Variants in NGLY1 observed in about 807,000 individuals in gnomAD.
NGLY1 encodes N-glycanase 1, also known as peptide-N(4)-(N-acetyl-beta-glucosaminyl)asparagine amidase.
In NGLY1, 68 loss-of-function variants were observed where a neutral mutation model predicts 84.6. The ratio of observed to expected loss-of-function variants is 0.80; its 90% CI spans 0.66 to 0.98. NGLY1 has a LOEUF of 0.98. Among genes scored for constraint, NGLY1 ranks in the 50% least tolerant of loss-of-function variants. The probability of loss-of-function intolerance (pLI) is 0.00; values close to 1 mark genes in which losing one functional copy is unlikely to be tolerated. For synonymous variants in NGLY1, 280 were observed against 275.2 expected, an observed-to-expected ratio of 1.02 and a Z score of -0.17; for missense variants, 779 against 770.2, an observed-to-expected ratio of 1.01 and a Z score of -0.14.
chr3:25,738,953 T>A (rs1705984020), intron 5 of NGLY1, among the ~76,000 whole-genome samples: 1 of 152,172 alleles, frequency 6.6e-6, no homozygotes, highest in Non-Finnish European at 1.5e-5. Context: ...ATTTAAAATG[T>A]CCTTAGTTTA....
At chr3:25,762,397 G>A (rs143097787) in intron 3 of NGLY1, among the ~76,000 whole-genome samples, 52 of 152,210 alleles carry the variant, frequency 3.4e-4, no homozygotes, top group African/African-American at 1.2e-3. Flanking sequence ...ATAACCAAGA[G>A]TTGTCTATGA....
Position 25,719,459 on chromosome 3 carries a change from C to T in NGLY1, c.*1G>A, listed in dbSNP as rs771691632. 2 of 1,612,930 alleles carry T rather than the reference C, an allele frequency of 1.2e-6. No homozygotes were observed. Among genetic ancestry groups the T allele is most frequent in the East Asian group, 4.5e-5 (2 of 44,854 alleles). On this transcript the variant is annotated 3_prime_UTR_variant, in exon 12 of 12. Transcript: ENST00000280700. ...CCAGCTTTTCTATAATGTTCAGGTT[C>T]TCAAAGGTCACTGAATTTTATAATT...
At chr3:25,721,912 T>C (rs1225739774) in intron 10 of NGLY1, among the ~76,000 whole-genome samples, 3 of 151,312 alleles carry the variant, frequency 2.0e-5, no homozygotes, top group Non-Finnish European at 4.4e-5. Flanking sequence ...GGGGCACAGT[T>C]TCTGGATTCA....
intron 4 of NGLY1, among the ~76,000 whole-genome samples, chr3:25,750,259 A>ACC (rs1025729105): frequency 3.7e-4 from 57 of 152,284 alleles, no homozygotes; most frequent in African/African-American, 1.3e-3. Flanking sequence ...TGATTCAATT[A>ACC]CCTCCAACTG....
chr3:25,760,711 C>G (rs938468687), intron 3 of NGLY1, among the ~76,000 whole-genome samples: 5 of 151,676 alleles, frequency 3.3e-5, no homozygotes, highest in African/African-American at 1.2e-4. Flanking sequence ...AATACTAAAA[C>G]TAGCCAGACG....
chr3:25,778,824 G>T (rs1575666498), intron 1 of NGLY1, 136 bp from the exon 2 acceptor site: 11 of 327,602 alleles, frequency 3.4e-5, no homozygotes, highest in South Asian at 1.5e-4. Context: ...ACCAATGGTT[G>T]TTTTTACTAT....
chr3:25,783,283 G>C lies in NGLY1; in HGVS notation c.108C>G (p.Leu36=). The C allele has an allele frequency of 6.2e-7, 1 of 1,609,514 alleles. No homozygotes were observed. The highest frequency in any genetic ancestry group is 8.5e-7 in the Non-Finnish European group (1 of 1,178,110). ...ACCTGAGGATGTTGTCAGCATAGGT[G>C]AGCAGCAGCTTGGAGGCCTCCAAAA... The part of the protein sequence containing the change: ...ETFLEASKLL[L]TYADNILRNP... The change falls in exon 1 of 12, where the codon CTC becomes CTG. Residue 36 remains leucine (L), a synonymous_variant. Transcript: ENST00000280700. This position sits in a 1 kb window ranked among gnomAD's most constrained non-coding sequence, Gnocchi z 4.5.
In NGLY1 at chr3:25,719,367, A is replaced by G; in HGVS notation, c.*93T>C. On this transcript the variant is annotated 3_prime_UTR_variant, in exon 12 of 12. Coordinates refer to ENST00000280700, the MANE Select transcript of NGLY1 (RefSeq NM_018297.4). ...GCTAGCAAAAGAAATATGCTAGCAC[A>G]GGGTGGTAACTGCCAACTAAGCATG... The G allele has an allele frequency of 1.0e-6, 1 of 962,416 alleles. No homozygotes were observed. The highest frequency in any genetic ancestry group is 1.6e-6 in the Non-Finnish European group (1 of 631,250). The allele number at this position is 962,416 out of a possible 1,614,324, so 59.6% of individuals were successfully genotyped here.
chr3:25,749,675 A>T (rs1304513452), intron 4 of NGLY1: 3 of 1,558,114 alleles, frequency 1.9e-6, no homozygotes, highest in Non-Finnish European at 2.6e-6. Flanking sequence ...TTATGGGAGC[A>T]ACAAAAAAAC....
At chr3:25,754,971 C>G in intron 3 of NGLY1, 1 of 768,070 alleles carries the variant, frequency 1.3e-6, no homozygotes, top group Admixed American at 1.8e-5. Flanking sequence ...CCTAGGGATG[C>G]CTTGGTGATG....
chr3:25,764,190 T>A lies in NGLY1; in HGVS notation c.368A>T (p.Lys123Met). ...LDGSNKSHKV[K>M]SSQQPAASTQ... ...ACTGGCTGCAGGTTGCTGAGATGAC[T>A]TTACTTTGTGGCTCTTATTTGAGCC... The change falls in exon 3 of 12, where the codon AAG becomes ATG. Residue 123 changes from lysine to methionine, a missense_variant. Coordinates refer to ENST00000280700, the MANE Select transcript of NGLY1 (RefSeq NM_018297.4). 1 of 1,614,188 alleles carries A rather than the reference T, an allele frequency of 6.2e-7. No individual in the cohort carries two copies. The highest frequency in any genetic ancestry group is 8.5e-7 in the Non-Finnish European group (1 of 1,180,030).
intron 3 of NGLY1, among the ~76,000 whole-genome samples, chr3:25,762,122 T>C (rs1018047305): frequency 6.6e-6 from 1 of 151,994 alleles, no homozygotes; most frequent in East Asian, 1.9e-4. Flanking sequence ...TCTTAACTTA[T>C]ACATCGACAT....
intron 8 of NGLY1, among the ~76,000 whole-genome samples, chr3:25,732,702 T>C (rs1054776263): frequency 6.6e-6 from 1 of 152,322 alleles, no homozygotes; most frequent in South Asian, 2.1e-4. Context: ...AACACCTATT[T>C]CCAACTCTCC....
intron 7 of NGLY1, 143 bp from the exon 8 acceptor site, chr3:25,734,125 G>T: frequency 2.7e-6 from 3 of 1,131,508 alleles, no homozygotes; most frequent in Non-Finnish European, 3.6e-6. Flanking sequence ...AGAGTGCAGT[G>T]GCGTGATCTC....
rs551673154 is a variant in NGLY1 at position 25,725,680 on chromosome 3, T to C, written c.1611+3453A>G. 2.7e-3 allele frequency among the ~76,000 whole-genome samples: 410 copies of C among 152,260 alleles called. 5 individuals carry two copies. The highest frequency in any genetic ancestry group is 4.6e-4 in the Non-Finnish European group (31 of 68,028). Reference sequence around the variant, plus strand: ...TCTGCTGCAGAATTGCTTGCTTGCTTATTTGGGGGAACCCACCCCTCCACA... The same window carrying C: ...TCTGCTGCAGAATTGCTTGCTTGCTCATTTGGGGGAACCCACCCCTCCACA... On this transcript the variant is annotated intron_variant, in intron 10 of 11. Transcript: ENST00000280700.
chr3:25,743,459 AG>A (rs1201461720), intron 4 of NGLY1, among the ~76,000 whole-genome samples: 1 of 152,170 alleles, frequency 6.6e-6, no homozygotes, highest in Admixed American at 6.5e-5. Context: ...TCTACCTAAA[AG>A]GGAAATCATT....
intron 2 of NGLY1, among the ~76,000 whole-genome samples, chr3:25,776,669 T>C (rs1708168568): frequency 6.6e-6 from 1 of 152,130 alleles, no homozygotes; most frequent in Admixed American, 6.6e-5. Context: ...GGCTTCTCTA[T>C]CTCAATTAAT....
intron 7 of NGLY1, chr3:25,734,638 G>A: frequency 1.1e-5 from 3 of 265,870 alleles, no homozygotes; most frequent in Non-Finnish European, 1.8e-5. Flanking sequence ...CTTGAACTTG[G>A]GAGGCAGAGG....
chr3:25,783,109 C>G lies in NGLY1; in HGVS notation c.131+151G>C, dbSNP rs1708496090. ...TCCCGAGGCCCCTGGCCGGCGGGCT[C>G]GGACGTTAGGAGCAGAACCAGCTCC... On this transcript the variant is annotated intron_variant, in intron 1 of 11. Transcript: ENST00000280700. The surrounding 1 kb of genome is among the most constrained non-coding windows in gnomAD (Gnocchi z 4.5). 1.5e-6 allele frequency: 1 copy of G among 671,488 alleles called. No homozygotes were observed. Among genetic ancestry groups the G allele is most frequent in the South Asian group, 2.1e-5 (1 of 47,570 alleles). The allele number at this position is 671,488 out of a possible 1,614,324, so 41.6% of individuals were successfully genotyped here.
Sources: gnomAD v4.1 joint callset for allele counts (sites outside exome capture counted in the v4.1 genomes callset) on GRCh38, gnomAD v4.1.1 for gene constraint, Gnocchi (gnomAD v3.1) non-coding constraint, MANE v1.5 for transcripts, NCBI Gene and HGNC (gene_info 2026-07-23, HGNC 2026-07-21) for gene names.